Variants in SLC35F3 observed in about 807,000 individuals in gnomAD.
The protein encoded by SLC35F3 is putative thiamine transporter SLC35F3.
In SLC35F3, 25 loss-of-function variants were observed where a neutral mutation model predicts 49.9. That is an observed-to-expected ratio of 0.50 (90% confidence interval 0.37 to 0.70). The LOEUF (loss-of-function observed/expected upper bound fraction) is 0.70. Ranked by LOEUF, SLC35F3 falls within the 30% of genes least tolerant of loss-of-function variation. The probability of loss-of-function intolerance (pLI) is 0.00; values close to 1 mark genes in which losing one functional copy is unlikely to be tolerated. For synonymous variants in SLC35F3, 275 were observed against 265.4 expected, an observed-to-expected ratio of 1.04 and a Z score of -0.35; for missense variants, 525 against 639.8, an observed-to-expected ratio of 0.82 and a Z score of 1.94.
chr1:234,055,548 C>T (rs548271893), intron 2 of SLC35F3, among the ~76,000 whole-genome samples: 2 of 152,154 alleles, frequency 1.3e-5, no homozygotes, highest in African/African-American at 4.8e-5. Flanking sequence ...TTCCTGGTAC[C>T]GTCTGTCACG....
intron 2 of SLC35F3, among the ~76,000 whole-genome samples, chr1:234,107,807 A>G (rs192899766): frequency 3.3e-5 from 5 of 152,272 alleles, no homozygotes; most frequent in Admixed American, 2.6e-4. Context: ...GAGGTAAACA[A>G]TAAATCTGTT....
At chr1:233,980,726 A>T (rs1663168892) in intron 2 of SLC35F3, among the ~76,000 whole-genome samples, 1 of 152,192 alleles carries the variant, frequency 6.6e-6, no homozygotes, top group Admixed American at 6.5e-5. Flanking sequence ...AATGATGATG[A>T]TTTTGTTAAT....
chr1:234,130,995 A>G (rs1665727554), intron 2 of SLC35F3, among the ~76,000 whole-genome samples: 1 of 152,168 alleles, frequency 6.6e-6, no homozygotes, highest in African/African-American at 2.4e-5. Context: ...TGAAGACGCC[A>G]TTAAGTGGAA....
chr1:234,205,715 C>G lies in SLC35F3; in HGVS notation c.284-25702C>G, dbSNP rs143236881. ...TGAGATAGATGGAGAGAAGCGTGCA[C>G]CAATATCCAGAAGAAAATTCCTCAC... On this transcript the variant is annotated intron_variant, in intron 2 of 7. Transcript: ENST00000366618. 6.0e-3 allele frequency among the ~76,000 whole-genome samples: 919 copies of G among 152,316 alleles called. 7 individuals carry two copies. The highest frequency in any genetic ancestry group is 0.03 in the South Asian group (145 of 4,830).
intron 3 of SLC35F3, among the ~76,000 whole-genome samples, chr1:234,303,121 CAAT>C (rs1182372708): frequency 1.3e-5 from 2 of 152,142 alleles, no homozygotes; most frequent in Non-Finnish European, 2.9e-5. Context: ...ACCCCCAACA[CAAT>C]AATATCCCAA....
chr1:233,961,866 G>T lies in SLC35F3; in HGVS notation c.283+56108G>T, dbSNP rs1343514739. On this transcript the variant is annotated intron_variant, in intron 2 of 7. Transcript: ENST00000366618. ...ATGAAAATAAGGTGCATTTTAACTG[G>T]ATGGAGACAGCATCTTAACCCAGAA... is the stretch of plus-strand genomic sequence containing the variant. Among the ~76,000 whole-genome samples the T allele has an allele frequency of 3.9e-5, 6 of 152,166 alleles. 1 individual carries two copies. In the South Asian group the frequency reaches 1.2e-3, roughly 31 times the overall value.
chr1:234,052,311 C>T (rs1269144684), intron 2 of SLC35F3, among the ~76,000 whole-genome samples: 3 of 152,192 alleles, frequency 2.0e-5, no homozygotes, highest in Non-Finnish European at 2.9e-5. Context: ...GCCTCAATTT[C>T]AGAGCCTGTT....
Position 233,956,134 on chromosome 1 carries a change from C to T in SLC35F3, c.283+50376C>T, listed in dbSNP as rs1423284080. Among the ~76,000 whole-genome samples, 4 of 152,036 alleles carry T rather than the reference C, an allele frequency of 2.6e-5. No homozygotes were observed. The South Asian group carries it at 6.2e-4, about 24-fold the overall frequency. On this transcript the variant is annotated intron_variant, in intron 2 of 7. Coordinates refer to ENST00000366618, the MANE Select transcript of SLC35F3 (RefSeq NM_173508.4). ...AACTCCTGACCTCAGGTGATCCTCC[C>T]GTCTCACCCTCCCAAAGTGCTGGGA...
chr1:234,134,782 C>T (rs955375880), intron 2 of SLC35F3, among the ~76,000 whole-genome samples: 4 of 152,074 alleles, frequency 2.6e-5, no homozygotes, highest in East Asian at 1.9e-4. Flanking sequence ...AGTGCAGTGG[C>T]GCAATCTTGG....
chr1:234,246,853 T>C (rs12119646), intron 3 of SLC35F3, among the ~76,000 whole-genome samples: 15,367 of 152,228 alleles, frequency 0.1, 1,883 homozygotes, highest in East Asian at 0.68. Flanking sequence ...TTGAGTGCTC[T>C]GAGAATTGGG....
At chr1:234,226,437 A>G (rs1459623119) in intron 2 of SLC35F3, among the ~76,000 whole-genome samples, 1 of 152,088 alleles carries the variant, frequency 6.6e-6, no homozygotes, top group East Asian at 1.9e-4. Flanking sequence ...GGGGAAGCTC[A>G]TAAAAGAAAC....
At chr1:233,989,756 A>T (rs1459886098) in intron 2 of SLC35F3, among the ~76,000 whole-genome samples, 3 of 152,218 alleles carry the variant, frequency 2.0e-5, no homozygotes, top group African/African-American at 7.2e-5. Flanking sequence ...GAGCTTTAGT[A>T]GGTTTTGAAT....
At chr1:234,011,748 G>A (rs1411129737) in intron 2 of SLC35F3, among the ~76,000 whole-genome samples, 1 of 152,150 alleles carries the variant, frequency 6.6e-6, no homozygotes, top group Non-Finnish European at 1.5e-5. Context: ...ATGTTATCAT[G>A]AAATGACTTT....
In SLC35F3 at chr1:234,268,583, T is replaced by C. The variant is rs567370742; in HGVS notation, c.608+36842T>C. The stretch of plus-strand genomic sequence containing the variant: ...AAAGAAACTGTACAAAAAAGAATGA[T>C]AGCAGCAGCAGTGTTTTTAATAACA... On this transcript the variant is annotated intron_variant, in intron 3 of 7. Transcript: ENST00000366618. The C allele has an allele frequency of 2.6e-5, 4 of 152,314 alleles. No homozygotes were observed. In the East Asian group the frequency reaches 7.7e-4, roughly 29 times the overall value. 9.4% of individuals were successfully genotyped at this position (152,314 alleles called of 1,614,324 possible).
intron 2 of SLC35F3, among the ~76,000 whole-genome samples, chr1:233,964,528 G>A (rs1387554950): frequency 6.6e-6 from 1 of 152,206 alleles, no homozygotes; most frequent in Non-Finnish European, 1.5e-5. Context: ...GTTAAATATG[G>A]AGCAAGATGG....
chr1:234,266,887 T>G lies in SLC35F3; in HGVS notation c.608+35146T>G, dbSNP rs12033973. The stretch of plus-strand genomic sequence containing the variant: ...TGAAGCACATGGTTTTTTTTTTTTT[T>G]TTTTTTTTTTATTGATCATTCTTGG... On this transcript the variant is annotated intron_variant, in intron 3 of 7. Transcript: ENST00000366618. Among the ~76,000 whole-genome samples, 428 of 149,138 alleles carry G rather than the reference T, an allele frequency of 2.9e-3. 12 individuals are homozygous for G. The East Asian group carries it at 0.06, about 21-fold the overall frequency.
At chr1:234,075,900 C>T (rs950630903) in intron 2 of SLC35F3, among the ~76,000 whole-genome samples, 1 of 152,200 alleles carries the variant, frequency 6.6e-6, no homozygotes, top group African/African-American at 2.4e-5. Context: ...TCCTTTTCTC[C>T]TGCAACTTGT....
At chr1:234,219,559 A>T (rs377500133) in intron 2 of SLC35F3, among the ~76,000 whole-genome samples, 1 of 152,260 alleles carries the variant, frequency 6.6e-6, no homozygotes, top group African/African-American at 2.4e-5. Flanking sequence ...TAAAGAATGC[A>T]TGCTGAAATG....
At chr1:234,301,540 A>T (rs1465338548) in intron 3 of SLC35F3, among the ~76,000 whole-genome samples, 1 of 152,250 alleles carries the variant, frequency 6.6e-6, no homozygotes, top group Non-Finnish European at 1.5e-5. Flanking sequence ...GTCAGGAAAC[A>T]GTAGATGCTG....
Sources: gnomAD v4.1 joint callset for allele counts (sites outside exome capture counted in the v4.1 genomes callset) on GRCh38, gnomAD v4.1.1 for gene constraint, MANE v1.5 for transcripts, NCBI Gene and HGNC (gene_info 2026-07-23, HGNC 2026-07-21) for gene names.